Variants in PRKN observed in about 807,000 individuals in gnomAD.
The protein encoded by PRKN is E3 ubiquitin-protein ligase parkin.
A neutral mutation model predicts 59.5 loss-of-function variants in PRKN; 56 were observed. The ratio of observed to expected loss-of-function variants is 0.94; its 90% CI spans 0.76 to 1.18. The LOEUF (loss-of-function observed/expected upper bound fraction) is 1.18, where lower values mean the gene tolerates loss of function less well. Among genes scored for constraint, PRKN ranks in the 50% most tolerant of loss-of-function variants. The probability of loss-of-function intolerance (pLI) is 0.00; values close to 1 mark genes in which losing one functional copy is unlikely to be tolerated. For synonymous variants in PRKN, 250 were observed against 222.1 expected (o/e 1.13, Z -1.12); for missense variants, 657 against 596.4 (o/e 1.10, Z -1.06).
chr6:162,177,359 A>C lies in PRKN; in HGVS notation c.534+23772T>G, dbSNP rs1308465705. Among the ~76,000 whole-genome samples the C allele has an allele frequency of 1.3e-5, 2 of 152,214 alleles. 1 individual carries two copies. The highest frequency in any genetic ancestry group is 4.8e-5 in the African/African-American group (2 of 41,466). On this transcript the variant is annotated intron_variant, in intron 4 of 11. Transcript: ENST00000366898. ...TGAATGCATGCCAGAGATATCAGAA[A>C]GGATTTTCACTAAAATGGTTAGCAA... is the stretch of plus-strand genomic sequence containing the variant.
In PRKN at chr6:161,869,541, T is replaced by C. The variant is rs144633606; in HGVS notation, c.735-83633A>G. Among the ~76,000 whole-genome samples, 330 of 152,278 alleles carry C rather than the reference T, an allele frequency of 2.2e-3. 2 individuals are homozygous for C. The highest frequency in any genetic ancestry group is 7.6e-3 in the African/African-American group (317 of 41,552). On this transcript the variant is annotated intron_variant, in intron 6 of 11. Coordinates refer to ENST00000366898, the MANE Select transcript of PRKN (RefSeq NM_004562.3). ...TATTTTTTAGTATAATGGTTTCTAT[T>C]TAACTTGAGCATACTTAAAACGAAT...
At chr6:162,491,754 C>T (rs1165436037) in intron 1 of PRKN, among the ~76,000 whole-genome samples, 1 of 152,166 alleles carries the variant, frequency 6.6e-6, no homozygotes, top group Non-Finnish European at 1.5e-5. Context: ...AGGGTCCACA[C>T]CGGGTAGCTT....
At chr6:162,538,634 C>A (rs1452108111) in intron 1 of PRKN, among the ~76,000 whole-genome samples, 1 of 152,086 alleles carries the variant, frequency 6.6e-6, no homozygotes, top group Non-Finnish European at 1.5e-5. Flanking sequence ...CAGACAGAAT[C>A]TCTGAGGCAA....
chr6:161,834,936 G>T (rs1018724088), intron 6 of PRKN, among the ~76,000 whole-genome samples: 56 of 152,182 alleles, frequency 3.7e-4, no homozygotes, highest in African/African-American at 1.3e-3. Flanking sequence ...TAGCAAATAA[G>T]CCTGTGAGCA....
At position 161,402,706 on chromosome 6, in the gene PRKN, T is replaced by C. The variant is rs923209654; in HGVS notation, c.1084-15829A>G. 6.6e-6 allele frequency among the ~76,000 whole-genome samples: 1 copy of C among 151,906 alleles called. No homozygotes were observed. The highest frequency in any genetic ancestry group is 6.6e-5 in the Admixed American group (1 of 15,258). On this transcript the variant is annotated intron_variant, in intron 9 of 11. Transcript: ENST00000366898. This position sits in a 1 kb window ranked among gnomAD's most constrained non-coding sequence, Gnocchi z 4.5. ...CATGGAAGCCTACAGAACTATATCC[T>C]AGATACAGAAAAGAACAGGGGCTTG...
chr6:161,618,644 A>G (rs1239144560), intron 7 of PRKN, among the ~76,000 whole-genome samples: 1 of 152,234 alleles, frequency 6.6e-6, no homozygotes, highest in Non-Finnish European at 1.5e-5. Flanking sequence ...CTACAGTGGT[A>G]TAATGTCTAA....
At position 162,391,152 on chromosome 6, in the gene PRKN, G is replaced by GACTTCCTCCTGGAAGATAATTTTC. The variant is rs1196431962; in HGVS notation, c.171+52134_171+52157dup. On this transcript the variant is annotated intron_variant, in intron 2 of 11. Coordinates refer to ENST00000366898, the MANE Select transcript of PRKN (RefSeq NM_004562.3). The stretch of plus-strand genomic sequence containing the variant: ...CAAGTGCATCTCGAAAATCTGCAAT[G>GACTTCCTCCTGGAAGATAATTTTC]ACTTCCTCCTGGAAGATAATTTTCT... 2.3e-4 allele frequency among the ~76,000 whole-genome samples: 35 copies of GACTTCCTCCTGGAAGATAATTTTC among 152,316 alleles called. No homozygotes were observed. In the East Asian group the frequency reaches 6.4e-3, roughly 28 times the overall value.
chr6:161,543,780 T>C (rs2115415192), intron 9 of PRKN, among the ~76,000 whole-genome samples: 1 of 152,312 alleles, frequency 6.6e-6, no homozygotes, highest in Middle Eastern at 3.4e-3. Flanking sequence ...AAGATAAAGA[T>C]GTTTTATTTA....
chr6:161,933,249 A>G (rs1033277321), intron 6 of PRKN, among the ~76,000 whole-genome samples: 1 of 152,214 alleles, frequency 6.6e-6, no homozygotes, highest in African/African-American at 2.4e-5. Flanking sequence ...ACTGCACTCC[A>G]GCCTGGGTGA....
Position 161,975,628 on chromosome 6 carries a change from G to A in PRKN, c.619-2211C>T, listed in dbSNP as rs985166257. On this transcript the variant is annotated intron_variant, in intron 5 of 11. Transcript: ENST00000366898. ...GAATCACTCGGGTGGGAGGGGGCACGGACTTGCTAAACCAGAGATCGCTGA... is the reference window on the plus strand; with the variant it reads ...GAATCACTCGGGTGGGAGGGGGCACAGACTTGCTAAACCAGAGATCGCTGA... Among the ~76,000 whole-genome samples the A allele has an allele frequency of 5.9e-5, 9 of 152,192 alleles. No homozygotes were observed. The South Asian group carries it at 6.2e-4, about 11-fold the overall frequency.
chr6:161,845,999 A>G (rs1009782705), intron 6 of PRKN, among the ~76,000 whole-genome samples: 1 of 152,228 alleles, frequency 6.6e-6, no homozygotes, highest in Non-Finnish European at 1.5e-5. Context: ...GAGATTGCTC[A>G]ATAGTGGATT....
chr6:162,422,577 G>A (rs184387848), intron 2 of PRKN, among the ~76,000 whole-genome samples: 6 of 152,120 alleles, frequency 3.9e-5, no homozygotes, highest in Admixed American at 3.3e-4. Context: ...AGTTCTTTAC[G>A]AGTAAGAACT....
chr6:161,756,579 C>T (rs774298940), intron 7 of PRKN, among the ~76,000 whole-genome samples: 6 of 150,550 alleles, frequency 4.0e-5, no homozygotes, highest in Non-Finnish European at 5.9e-5. Context: ...TTTCTTCTTT[C>T]CTTCTCTCTC....
intron 8 of PRKN, among the ~76,000 whole-genome samples, chr6:161,565,162 T>C (rs907299135): frequency 6.6e-6 from 1 of 152,090 alleles, no homozygotes; most frequent in Non-Finnish European, 1.5e-5. Flanking sequence ...CACTGTAAGA[T>C]GAGATCCACC....
At chr6:162,368,332 T>C (rs148776485) in intron 2 of PRKN, among the ~76,000 whole-genome samples, 11 of 152,238 alleles carry the variant, frequency 7.2e-5, no homozygotes. Context: ...CATTGTTGAA[T>C]CTACCTGAGA....
At chr6:162,613,874 T>A (rs201769384) in intron 1 of PRKN, among the ~76,000 whole-genome samples, 12,132 of 152,082 alleles carry the variant, frequency 0.08, 662 homozygotes, top group East Asian at 0.3. Flanking sequence ...TAAATGTGTA[T>A]TGCTTAGCTT....
At chr6:162,348,330 A>T (rs1005643163) in intron 2 of PRKN, among the ~76,000 whole-genome samples, 14 of 152,190 alleles carry the variant, frequency 9.2e-5, no homozygotes, top group Admixed American at 3.9e-4. Context: ...CAAGTAACTT[A>T]ACTCGGTCCC....
At chr6:162,234,792 G>A (rs1778577208) in intron 3 of PRKN, among the ~76,000 whole-genome samples, 1 of 152,208 alleles carries the variant, frequency 6.6e-6, no homozygotes, top group South Asian at 2.1e-4. Flanking sequence ...GACACCGTCT[G>A]TGTTATCACT....
chr6:161,760,841 T>G (rs1304270167), intron 7 of PRKN, among the ~76,000 whole-genome samples: 5 of 152,214 alleles, frequency 3.3e-5, no homozygotes, highest in Admixed American at 3.3e-4. Context: ...CCCTAATATT[T>G]GTGCGTTTTC....
Sources: gnomAD v4.1 joint callset for allele counts (sites outside exome capture counted in the v4.1 genomes callset) on GRCh38, gnomAD v4.1.1 for gene constraint, Gnocchi (gnomAD v3.1) non-coding constraint, MANE v1.5 for transcripts, NCBI Gene and HGNC (gene_info 2026-07-23, HGNC 2026-07-21) for gene names.